Variants in NFATC3 observed in about 807,000 individuals in gnomAD.
NFATC3 encodes nuclear factor of activated T cells 3.
In NFATC3, 46 loss-of-function variants were observed where a neutral mutation model predicts 98.6. The observed-to-expected ratio is 0.47, with a 90% CI of 0.37 to 0.60. The LOEUF (loss-of-function observed/expected upper bound fraction) is 0.60, where lower values mean the gene tolerates loss of function less well. NFATC3 is among the 20% of genes least tolerant of loss of function. The pLI is 0.00. For missense variants in NFATC3, 1,256 were observed against 1,295.5 expected, an observed-to-expected ratio of 0.97 and a Z score of 0.47; for synonymous variants, 512 against 472.2, an observed-to-expected ratio of 1.08 and a Z score of -1.09.
rs1016048508 is a variant in NFATC3 at position 68,172,182 on chromosome 16, C to T, written c.1775-2192C>T. Among the ~76,000 whole-genome samples, 21 of 152,226 alleles carry T rather than the reference C, an allele frequency of 1.4e-4. 1 individual carries two copies. The highest frequency in any genetic ancestry group is 4.1e-4 in the African/African-American group (17 of 41,538). On this transcript the variant is annotated intron_variant, in intron 5 of 9. Coordinates refer to ENST00000346183, the MANE Select transcript of NFATC3 (RefSeq NM_173165.3). Reference sequence around the variant, plus strand: ...ATTGATTATAATACTCTCTTTGAATCGGGCTGGCGTCCCAATTTATGTACT... The same window carrying T: ...ATTGATTATAATACTCTCTTTGAATTGGGCTGGCGTCCCAATTTATGTACT...
chr16:68,164,999 T>C (rs1232817842), intron 4 of NFATC3, among the ~76,000 whole-genome samples: 1 of 152,260 alleles, frequency 6.6e-6, no homozygotes, highest in Non-Finnish European at 1.5e-5. Flanking sequence ...CTTTTTTGTT[T>C]TTTGCATTTA....
intron 8 of NFATC3, among the ~76,000 whole-genome samples, chr16:68,184,328 G>T (rs909502523): frequency 2.0e-5 from 3 of 152,178 alleles, no homozygotes; most frequent in Admixed American, 6.5e-5. Flanking sequence ...AGAAGATAAA[G>T]AAGATGGATT....
chr16:68,118,238 G>C (rs1233255409), intron 1 of NFATC3, among the ~76,000 whole-genome samples: 2 of 152,130 alleles, frequency 1.3e-5, no homozygotes, highest in African/African-American at 4.8e-5. Flanking sequence ...GGCCATCTCT[G>C]TAATCTCTGT....
chr16:68,158,197 A>AAAT, intron 4 of NFATC3, 129 bp downstream of exon 4: 1 of 620,872 alleles, frequency 1.6e-6, no homozygotes, highest in Non-Finnish European at 2.6e-6. Flanking sequence ...ATGTACATTT[A>AAAT]GTACATTTTC....
chr16:68,168,471 T>TGTA lies in NFATC3; in HGVS notation c.1774+1456_1774+1457insGTA, dbSNP rs1042256405. Among the ~76,000 whole-genome samples the TGTA allele has an allele frequency of 3.4e-5, 5 of 148,022 alleles. 1 individual carries two copies. The South Asian group carries it at 6.4e-4, about 19-fold the overall frequency. On this transcript the variant is annotated intron_variant, in intron 5 of 9. Transcript: ENST00000346183. ...AGCCACTGCACCCAGCTTGTATTCTTTTATTATTATTATTATTATTATTAT... is the reference window on the plus strand; with the variant it reads ...AGCCACTGCACCCAGCTTGTATTCTTGTATTATTATTATTATTATTATTATTAT...
chr16:68,086,779 G>A, intron 1 of NFATC3: 1 of 985,376 alleles, frequency 1.0e-6, no homozygotes, highest in Non-Finnish European at 1.2e-6. Context: ...TGAACGTGAG[G>A]CATGAGGATT....
intron 9 of NFATC3, among the ~76,000 whole-genome samples, chr16:68,213,529 T>C (rs893009704): frequency 2.0e-5 from 3 of 151,976 alleles, no homozygotes; most frequent in African/African-American, 7.3e-5. Flanking sequence ...GAACTTTAGT[T>C]TAAAAAATAC....
chr16:68,105,399 T>C (rs1357416951), intron 1 of NFATC3, among the ~76,000 whole-genome samples: 2 of 152,132 alleles, frequency 1.3e-5, no homozygotes, highest in African/African-American at 4.8e-5. Context: ...GTGTGGATTT[T>C]TTTTCTTCAC....
intron 9 of NFATC3, among the ~76,000 whole-genome samples, chr16:68,223,915 AT>A (rs2041953357): frequency 6.7e-6 from 1 of 149,820 alleles, no homozygotes. Context: ...AAAAAAAAAA[AT>A]CTGACAAAGT....
intron 1 of NFATC3, among the ~76,000 whole-genome samples, chr16:68,109,000 G>A (rs2035807932): frequency 6.6e-6 from 1 of 152,100 alleles, no homozygotes; most frequent in South Asian, 2.1e-4. Context: ...TCTAGATAGA[G>A]GATCATGCCA....
intron 1 of NFATC3, among the ~76,000 whole-genome samples, chr16:68,095,152 G>T (rs1052936175): frequency 6.6e-6 from 1 of 151,974 alleles, no homozygotes; most frequent in Non-Finnish European, 1.5e-5. Flanking sequence ...CAAAAGAATT[G>T]TCTGTGCTTA....
rs1330979949 is a variant in NFATC3, at chr16:68,129,865, G to T, written c.1401+3255G>T. On this transcript the variant is annotated intron_variant, in intron 3 of 9. Coordinates refer to ENST00000346183, the MANE Select transcript of NFATC3 (RefSeq NM_173165.3). ...GCTAATTTTTTAATGTATTTGTGGA[G>T]ACAGTCTTGATTTGTTGCCCGGGCT... is the stretch of plus-strand genomic sequence containing the variant. Among the ~76,000 whole-genome samples, 3 of 151,944 alleles carry T rather than the reference G, an allele frequency of 2.0e-5. No individual in the cohort carries two copies. In the East Asian group the frequency reaches 5.8e-4, roughly 29 times the overall value.
intron 9 of NFATC3, chr16:68,214,459 G>GT: frequency 6.3e-7 from 1 of 1,598,254 alleles, no homozygotes; most frequent in Non-Finnish European, 8.6e-7. Flanking sequence ...ATGTGTCATT[G>GT]TTTTTGTGCC....
chr16:68,159,402 TTC>T (rs941798314), intron 4 of NFATC3, among the ~76,000 whole-genome samples: 6 of 150,224 alleles, frequency 4.0e-5, no homozygotes, highest in Non-Finnish European at 8.9e-5. Flanking sequence ...AGACCTTTCT[TTC>T]TTTTTTTTTT....
rs2042088616 is a variant in NFATC3 at position 68,228,997 on chromosome 16, G to A, written c.*2526G>A. 6.6e-6 allele frequency: 1 copy of A among 152,246 alleles called. No homozygotes were observed. Among genetic ancestry groups the A allele is most frequent in the Non-Finnish European group, 1.5e-5 (1 of 68,050 alleles). The allele number at this position is 152,246 out of a possible 1,614,324, so 9.4% of individuals were successfully genotyped here. A position where few individuals can be genotyped will look rare whatever the true frequency, so the allele number is the denominator to read the frequency against. ...CTTCTGGGCCTGGCTGTGAAGCCCT[G>A]TTTTTGGTATTCAGAATGGATCTTT... On this transcript the variant is annotated 3_prime_UTR_variant, in exon 10 of 10. Coordinates refer to ENST00000346183, the MANE Select transcript of NFATC3 (RefSeq NM_173165.3).
At chr16:68,197,005 G>T (rs1029366593) in intron 9 of NFATC3, among the ~76,000 whole-genome samples, 2 of 151,966 alleles carry the variant, frequency 1.3e-5, no homozygotes, top group African/African-American at 4.8e-5. Context: ...AATCCAGCCT[G>T]GGCAACAAGA....
chr16:68,184,182 G>T (rs771175452), intron 8 of NFATC3, among the ~76,000 whole-genome samples: 2 of 152,020 alleles, frequency 1.3e-5, no homozygotes, highest in African/African-American at 4.8e-5. Flanking sequence ...AGTCCAAGAA[G>T]GTGATTCAAA....
chr16:68,116,329 T>C (rs1305645466), intron 1 of NFATC3, among the ~76,000 whole-genome samples: 1 of 152,118 alleles, frequency 6.6e-6, no homozygotes, highest in Non-Finnish European at 1.5e-5. Flanking sequence ...TGGGCCAGAC[T>C]TGGCACATGG....
intron 1 of NFATC3, among the ~76,000 whole-genome samples, chr16:68,115,121 T>C (rs1321685581): frequency 6.6e-6 from 1 of 152,012 alleles, no homozygotes; most frequent in Non-Finnish European, 1.5e-5. Flanking sequence ...TGGAATGCAG[T>C]GGTGCAATCT....
Sources: allele counts gnomAD v4.1 joint callset (sites outside exome capture counted in the v4.1 genomes callset), GRCh38; gene constraint gnomAD v4.1.1; transcripts MANE v1.5; gene names NCBI Gene and HGNC (gene_info 2026-07-23, HGNC 2026-07-21).